Variants in DMD observed in about 807,000 individuals in gnomAD.
The protein encoded by DMD is mutant dystrophin.
DMD carries 63 observed loss-of-function variants against 330.1 expected under a neutral mutation model. The observed-to-expected ratio is 0.19, with a 90% CI of 0.16 to 0.24. DMD has a LOEUF of 0.24. Ranked by LOEUF, DMD falls within the 10% of genes least tolerant of loss-of-function variation. DMD has a pLI of 1.00. For synonymous variants in DMD, 1,223 were observed against 959.8 expected, an observed-to-expected ratio of 1.27 and a Z score of -5.07; for missense variants, 3,344 against 2,684.1, an observed-to-expected ratio of 1.25 and a Z score of -5.43.
intron 1 of DMD, among the ~76,000 whole-genome samples, chrX:33,303,272 T>C (rs764286371): frequency 7.1e-5 from 8 of 111,956 alleles, no homozygotes; most frequent in African/African-American, 2.6e-4. Context: ...TTTGGTATTT[T>C]ACATTTTAAA....
At chrX:31,279,948 G>T (rs1220976391) in intron 62 of DMD, among the ~76,000 whole-genome samples, 1 of 112,638 alleles carries the variant, frequency 8.9e-6, no homozygotes, top group Admixed American at 9.4e-5. Context: ...AGCCTATAGT[G>T]TTTACTATGT....
chrX:32,073,039 T>G (rs2096313027), intron 44 of DMD, among the ~76,000 whole-genome samples: 1 of 111,833 alleles, frequency 8.9e-6, no homozygotes, highest in East Asian at 2.8e-4. Context: ...CGGCCAAAAA[T>G]AAACACAAGG....
At position 31,829,326 on chromosome X, in the gene DMD, T is replaced by C. The variant is rs1220859500; in HGVS notation, c.7200+7392A>G. Among the ~76,000 whole-genome samples, 5 of 110,343 alleles carry C rather than the reference T, an allele frequency of 4.5e-5. No individual in the cohort carries two copies. In the East Asian group the frequency reaches 8.5e-4, roughly 19 times the overall value. On this transcript the variant is annotated intron_variant, in intron 49 of 78. Transcript: ENST00000357033. ...TAAAAAATTTCAGAATTCGCCACTA[T>C]AGAACTCATCCATGTAACCAAAAAC...
Position 32,041,363 on chromosome X carries a change from C to T in DMD, c.6439-72849G>A, listed in dbSNP as rs1301435111. Among the ~76,000 whole-genome samples the T allele has an allele frequency of 1.3e-4, 15 of 112,265 alleles. No individual in the cohort carries two copies. In the Admixed American group the frequency reaches 1.4e-3, roughly 11 times the overall value. On this transcript the variant is annotated intron_variant, in intron 44 of 78. Transcript: ENST00000357033. ...GTGTTGGAAGGGATGTCCTGGCAGT[C>T]GTGGACCTGCCCACTTACTGCCAGG...
intron 7 of DMD, among the ~76,000 whole-genome samples, chrX:32,711,362 T>C (rs988419014): frequency 1.8e-5 from 2 of 110,874 alleles, no homozygotes; most frequent in African/African-American, 3.3e-5. Flanking sequence ...TCTCAATTAC[T>C]ATATCCTATG....
At chrX:31,148,410 G>A (rs1361425957) in intron 74 of DMD, among the ~76,000 whole-genome samples, 2 of 112,051 alleles carry the variant, frequency 1.8e-5, no homozygotes, top group Middle Eastern at 4.2e-3. Context: ...CTGCCATAAG[G>A]TATTATTATT....
chrX:31,435,354 T>C (rs2064434795), intron 60 of DMD, among the ~76,000 whole-genome samples: 1 of 111,983 alleles, frequency 8.9e-6, no homozygotes, highest in African/African-American at 3.2e-5. Context: ...ATAAAGGCTG[T>C]ACTTCTGATA....
intron 61 of DMD, among the ~76,000 whole-genome samples, chrX:31,345,072 C>T (rs2058018640): frequency 9.0e-6 from 1 of 111,595 alleles, no homozygotes; most frequent in Non-Finnish European, 1.9e-5. Context: ...TTAGTCTCAC[C>T]GTCCTATTTC....
At chrX:32,929,702 T>C (rs778718472) in intron 2 of DMD, among the ~76,000 whole-genome samples, 3 of 111,059 alleles carry the variant, frequency 2.7e-5, no homozygotes, top group South Asian at 7.7e-4. Flanking sequence ...CCTAATGCTA[T>C]CCCTCCCTTT....
chrX:32,865,126 T>C (rs1227952048), intron 2 of DMD, among the ~76,000 whole-genome samples: 2 of 111,763 alleles, frequency 1.8e-5, no homozygotes, highest in Admixed American at 9.6e-5. Context: ...TTATTTTCCT[T>C]ATGTGTCAGA....
At chrX:32,657,011 ATGTGTGTGTGTGTG>A (rs57052299) in intron 9 of DMD, among the ~76,000 whole-genome samples, 2 of 100,776 alleles carry the variant, frequency 2.0e-5, no homozygotes, top group East Asian at 3.0e-4. Flanking sequence ...ACCAACTTAT[ATGTGTGTGTGTGTG>A]TGTGTGTGTG....
chrX:31,178,954 G>A, intron 69 of DMD, 149 bp from the exon 70 acceptor site: 1 of 689,085 alleles, frequency 1.5e-6, no homozygotes, highest in Non-Finnish European at 2.1e-6. Flanking sequence ...GACAAATGGG[G>A]CTCTGAAACC....
At chrX:33,315,624 T>C (rs1460373728) in intron 1 of DMD, among the ~76,000 whole-genome samples, 3 of 112,579 alleles carry the variant, frequency 2.7e-5, no homozygotes, top group Admixed American at 9.4e-5. Context: ...TGTATGCAAC[T>C]TTTTTCTTTG....
chrX:31,661,003 CAT>C (rs1174656736), intron 53 of DMD, among the ~76,000 whole-genome samples: 1 of 111,794 alleles, frequency 8.9e-6, no homozygotes, highest in Non-Finnish European at 1.9e-5. Flanking sequence ...TAAATTATAA[CAT>C]ATCCTAGAAT....
At position 32,280,879 on chromosome X, in the gene DMD, T is replaced by A. The variant is rs148798159; in HGVS notation, c.6290+6650A>T. 3.5e-3 allele frequency among the ~76,000 whole-genome samples: 394 copies of A among 112,462 alleles called. 1 individual carries two copies. Among genetic ancestry groups the A allele is most frequent in the African/African-American group, 0.012 (366 of 31,022 alleles). On this transcript the variant is annotated intron_variant, in intron 43 of 78. Transcript: ENST00000357033. ...CTCAGTAGAAAGATTACAACTGAGA[T>A]AGCAAATTCTTATCAGAAACTCACA...
intron 1 of DMD, among the ~76,000 whole-genome samples, chrX:33,240,371 A>G (rs2052568331): frequency 9.0e-6 from 1 of 111,482 alleles, no homozygotes; most frequent in African/African-American, 3.3e-5. Flanking sequence ...AGGTTCATTC[A>G]TGTTGCTGCA....
intron 67 of DMD, among the ~76,000 whole-genome samples, chrX:31,200,304 T>C (rs150611700): frequency 0.015 from 1,710 of 111,682 alleles, 36 homozygotes; most frequent in African/African-American, 0.053. Context: ...AGCAGAAGTA[T>C]CAGAAACTAC....
intron 47 of DMD, among the ~76,000 whole-genome samples, chrX:31,902,988 G>A (rs1409257774): frequency 9.0e-6 from 1 of 111,106 alleles, no homozygotes; most frequent in Non-Finnish European, 1.9e-5. Context: ...TCTTCACAGA[G>A]ACAATTGTCC....
At position 33,027,552 on chromosome X, in the gene DMD, C is replaced by T. The variant is rs183454713; in HGVS notation, c.32-7352G>A. On this transcript the variant is annotated intron_variant, in intron 1 of 78. Transcript: ENST00000357033. Reference sequence around the variant, plus strand: ...AATAAATTACATTTCATATTTAAGGCTATTAAGTGACAAATGTGTACTGAC... The same window carrying T: ...AATAAATTACATTTCATATTTAAGGTTATTAAGTGACAAATGTGTACTGAC... Among the ~76,000 whole-genome samples the T allele has an allele frequency of 9.8e-5, 11 of 112,280 alleles. No homozygotes were observed. In the East Asian group the frequency reaches 3.1e-3, roughly 32 times the overall value.
Sources: allele counts gnomAD v4.1 joint callset (sites outside exome capture counted in the v4.1 genomes callset), GRCh38; gene constraint gnomAD v4.1.1; transcripts MANE v1.5; gene names NCBI Gene and HGNC (gene_info 2026-07-23, HGNC 2026-07-21).